The following FBXL7 variants were observed in gnomAD, a reference collection of about 807,000 sequenced individuals.
FBXL7 encodes F-box and leucine rich repeat protein 7, also known as F-box/LRR-repeat protein 7.
A neutral mutation model predicts 38.3 loss-of-function variants in FBXL7; 12 were observed. The observed-to-expected ratio is 0.31, with a 90% CI of 0.20 to 0.51. The LOEUF is 0.51. Ranked by LOEUF, FBXL7 falls within the 20% of genes least tolerant of loss-of-function variation. FBXL7 has a pLI of 0.98. For missense variants in FBXL7, 567 were observed against 676.4 expected (o/e 0.84, Z 1.79); for synonymous variants, 297 against 300.9 (o/e 0.99, Z 0.13).
At chr5:15,519,975 C>T (rs192523229) in intron 1 of FBXL7, among the ~76,000 whole-genome samples, 119 of 152,308 alleles carry the variant, frequency 7.8e-4, no homozygotes, top group Non-Finnish European at 1.2e-3. Context: ...GCCCTGAAGA[C>T]TCCTGGTTGC....
At chr5:15,534,927 G>A (rs1737536028) in intron 1 of FBXL7, among the ~76,000 whole-genome samples, 1 of 152,204 alleles carries the variant, frequency 6.6e-6, no homozygotes, top group Admixed American at 6.5e-5. Context: ...AATCCCCCAT[G>A]TCAGGGGAGG....
intron 1 of FBXL7, among the ~76,000 whole-genome samples, chr5:15,572,031 A>G (rs1738805387): frequency 6.6e-6 from 1 of 152,148 alleles, no homozygotes; most frequent in Non-Finnish European, 1.5e-5. Context: ...TGAAATATCT[A>G]ACCTTTAAAT....
At chr5:15,568,139 A>G (rs1371467271) in intron 1 of FBXL7, among the ~76,000 whole-genome samples, 3 of 152,110 alleles carry the variant, frequency 2.0e-5, no homozygotes, top group Non-Finnish European at 4.4e-5. Context: ...GTCAAATGGT[A>G]TTTCTAGTTC....
chr5:15,791,102 C>A lies in FBXL7; in HGVS notation c.128-136788C>A, dbSNP rs1015472939. On this transcript the variant is annotated intron_variant, in intron 2 of 3. Coordinates refer to ENST00000504595, the MANE Select transcript of FBXL7 (RefSeq NM_012304.5). ...GGGGGGGTTATTGCATGTATCTAAG[C>A]CTTATTGTACTCCACCCTAAATTGG... Among the ~76,000 whole-genome samples, 7 of 151,258 alleles carry A rather than the reference C, an allele frequency of 4.6e-5. No individual in the cohort carries two copies. The East Asian group carries it at 1.2e-3, about 25-fold the overall frequency.
chr5:15,534,198 T>A (rs1223986284), intron 1 of FBXL7, among the ~76,000 whole-genome samples: 2 of 152,134 alleles, frequency 1.3e-5, no homozygotes, highest in Non-Finnish European at 2.9e-5. Context: ...AAATCCATAG[T>A]TTACATGAGG....
chr5:15,580,650 T>C, intron 1 of FBXL7: 6 of 985,344 alleles, frequency 6.1e-6, no homozygotes, highest in Non-Finnish European at 7.2e-6. Flanking sequence ...TGGGAGAAAA[T>C]ATCAAAGGCA....
At chr5:15,762,579 C>G (rs1471933252) in intron 2 of FBXL7, among the ~76,000 whole-genome samples, 1 of 152,164 alleles carries the variant, frequency 6.6e-6, no homozygotes, top group Admixed American at 6.5e-5. Flanking sequence ...TATTATTTAA[C>G]CTCCCCTAAG....
intron 2 of FBXL7, among the ~76,000 whole-genome samples, chr5:15,846,822 A>C (rs991533162): frequency 6.6e-6 from 1 of 152,192 alleles, no homozygotes; most frequent in African/African-American, 2.4e-5. Context: ...AAACAAAATA[A>C]ATGACCATTT....
intron 2 of FBXL7, among the ~76,000 whole-genome samples, chr5:15,624,956 T>G (rs2914765): frequency 1 from 151,216 of 151,452 alleles, 75,490 homozygotes; most frequent in Middle Eastern, 1. Context: ...CTCTTGCCAC[T>G]TGATCTCTTT....
chr5:15,880,659 G>T (rs1196780747), intron 2 of FBXL7, among the ~76,000 whole-genome samples: 1 of 149,370 alleles, frequency 6.7e-6, no homozygotes, highest in Admixed American at 6.7e-5. Flanking sequence ...CAAAAAACCT[G>T]GCCTTTTAAT....
chr5:15,832,905 G>A (rs1738494704), intron 2 of FBXL7, among the ~76,000 whole-genome samples: 2 of 152,030 alleles, frequency 1.3e-5, no homozygotes, highest in Non-Finnish European at 1.5e-5. Flanking sequence ...GACCCGGTGG[G>A]AGGTAATTTA....
chr5:15,701,138 G>A (rs569001064), intron 2 of FBXL7, among the ~76,000 whole-genome samples: 1 of 152,070 alleles, frequency 6.6e-6, no homozygotes, highest in Admixed American at 6.6e-5. Context: ...ATTTTCTATC[G>A]ATATTTTTGG....
At chr5:15,800,119 A>T (rs549118593) in intron 2 of FBXL7, among the ~76,000 whole-genome samples, 2 of 152,294 alleles carry the variant, frequency 1.3e-5, no homozygotes, top group South Asian at 4.2e-4. Context: ...GGAGGAGCAC[A>T]CAATGAAACA....
intron 2 of FBXL7, among the ~76,000 whole-genome samples, chr5:15,699,027 C>A (rs1187370046): frequency 8.6e-5 from 13 of 151,994 alleles, no homozygotes. Context: ...TTCTCAAGCA[C>A]CCCCAATTCT....
At position 15,936,446 on chromosome 5, in the gene FBXL7, G is replaced by T. The variant is rs746917192; in HGVS notation, c.740-4G>T. 3 of 1,611,182 alleles carry T rather than the reference G, an allele frequency of 1.9e-6. No individual in the cohort carries two copies. Among genetic ancestry groups the T allele is most frequent in the South Asian group, 2.2e-5 (2 of 90,896 alleles). ...CTGAGCCTGTGTTCTGTCTCTTTGT[G>T]CAGGATGCTCCAAAGTGACCTGCAT... On this transcript the variant is annotated splice_polypyrimidine_tract_variant and splice_region_variant and intron_variant, in intron 3 of 3. Coordinates refer to ENST00000504595, the MANE Select transcript of FBXL7 (RefSeq NM_012304.5). The surrounding 1 kb of genome is among the most constrained non-coding windows in gnomAD (Gnocchi z 6.0).
intron 2 of FBXL7, among the ~76,000 whole-genome samples, chr5:15,684,880 T>C (rs764243715): frequency 7.9e-5 from 12 of 152,194 alleles, no homozygotes; most frequent in Non-Finnish European, 1.5e-4. Context: ...GAGAAGACAC[T>C]TCTGCCCTCA....
intron 3 of FBXL7, chr5:15,935,223 C>G (rs1231722375): frequency 3.7e-6 from 2 of 534,694 alleles, no homozygotes; most frequent in Non-Finnish European, 7.7e-6. Context: ...GGATTTTACA[C>G]TTGGAGTGAA....
chr5:15,620,860 T>A lies in FBXL7; in HGVS notation c.127+4788T>A, dbSNP rs537965920. 7.2e-5 allele frequency among the ~76,000 whole-genome samples: 11 copies of A among 152,336 alleles called. No homozygotes were observed. The East Asian group carries it at 2.1e-3, about 29-fold the overall frequency. On this transcript the variant is annotated intron_variant, in intron 2 of 3. Coordinates refer to ENST00000504595, the MANE Select transcript of FBXL7 (RefSeq NM_012304.5). ...CCCAAACATTGGTTTTGGTTTCTTT[T>A]CTTGGCTTTCCCTGCGTAGTCTCTC...
chr5:15,545,913 C>T (rs1236114641), intron 1 of FBXL7, among the ~76,000 whole-genome samples: 2 of 152,178 alleles, frequency 1.3e-5, no homozygotes, highest in Non-Finnish European at 1.5e-5. Context: ...GCACTGACCA[C>T]TATGATAACT....
Sources: gnomAD v4.1 joint callset for allele counts (sites outside exome capture counted in the v4.1 genomes callset) on GRCh38, gnomAD v4.1.1 for gene constraint, Gnocchi (gnomAD v3.1) non-coding constraint, MANE v1.5 for transcripts, NCBI Gene and HGNC (gene_info 2026-07-23, HGNC 2026-07-21) for gene names.